Variants in KIRREL3 observed in about 807,000 individuals in gnomAD.
KIRREL3 encodes kirre like nephrin family adhesion molecule 3.
Under a neutral mutation model 89.7 loss-of-function variants are expected in KIRREL3, and 36 were observed. That is an observed-to-expected ratio of 0.40 (90% CI 0.31 to 0.53). The LOEUF is 0.53. Among genes scored for constraint, KIRREL3 ranks in the 20% least tolerant of loss-of-function variants. The pLI is 0.49. For synonymous variants in KIRREL3, 445 were observed against 441.4 expected (o/e 1.01, Z -0.10); for missense variants, 864 against 1,056.6 (o/e 0.82, Z 2.53).
intron 6 of KIRREL3, among the ~76,000 whole-genome samples, chr11:126,456,846 G>A (rs1032841757): frequency 6.6e-6 from 1 of 152,240 alleles, no homozygotes; most frequent in African/African-American, 2.4e-5. Context: ...TCTTTGAAAT[G>A]TCTGTTTATT....
rs1029803881 is a variant in KIRREL3 at position 126,605,628 on chromosome 11, G to T, written c.56-42716C>A. ...GGCGCGTTTTAATAATGTCTACTTG[G>T]GTTAATGAAAGTTGTCGGTTTCACT... On this transcript the variant is annotated intron_variant, in intron 1 of 16. Coordinates refer to ENST00000525144, the MANE Select transcript of KIRREL3 (RefSeq NM_032531.4). This position sits in a 1 kb window ranked among gnomAD's most constrained non-coding sequence, Gnocchi z 5.7. Among the ~76,000 whole-genome samples, 4 of 152,222 alleles carry T rather than the reference G, an allele frequency of 2.6e-5. No homozygotes were observed. Among genetic ancestry groups the T allele is most frequent in the Non-Finnish European group, 5.9e-5 (4 of 68,042 alleles).
At position 126,991,054 on chromosome 11, in the gene KIRREL3, G is replaced by A. The variant is rs1950021056; in HGVS notation, c.55+9401C>T. ...TCACCTGTGACATTTGCAGGTGACT[G>A]ACAGAAATGGGCACTGACATGCATT... On this transcript the variant is annotated intron_variant, in intron 1 of 16. Coordinates refer to ENST00000525144, the MANE Select transcript of KIRREL3 (RefSeq NM_032531.4). This position sits in a 1 kb window ranked among gnomAD's most constrained non-coding sequence, Gnocchi z 5.8. 6.6e-6 allele frequency among the ~76,000 whole-genome samples: 1 copy of A among 152,204 alleles called. No homozygotes were observed. The highest frequency in any genetic ancestry group is 2.1e-4 in the South Asian group (1 of 4,830).
intron 2 of KIRREL3, among the ~76,000 whole-genome samples, chr11:126,536,350 G>A (rs1044706649): frequency 2.0e-5 from 3 of 152,046 alleles, no homozygotes; most frequent in African/African-American, 4.8e-5. Context: ...CAGAGGAGCC[G>A]TTGCTTACTC....
intron 6 of KIRREL3, among the ~76,000 whole-genome samples, chr11:126,458,937 T>C (rs1454228768): frequency 1.3e-5 from 2 of 152,112 alleles, no homozygotes; most frequent in Admixed American, 1.3e-4. Flanking sequence ...CAGCCCTCTT[T>C]CCATGCAGGG....
chr11:126,456,514 G>A, intron 6 of KIRREL3, 60 bp from the exon 7 acceptor site: 1 of 1,151,022 alleles, frequency 8.7e-7, no homozygotes, highest in Non-Finnish European at 1.3e-6. Context: ...GGAGATCCTG[G>A]GCGACATGGA....
chr11:126,898,107 C>T lies in KIRREL3; in HGVS notation c.55+102348G>A, dbSNP rs1946237260. On this transcript the variant is annotated intron_variant, in intron 1 of 16. Transcript: ENST00000525144. The surrounding 1 kb of genome is among the most constrained non-coding windows in gnomAD (Gnocchi z 4.9). ...TCAAACATTTTATTTCAGGCATTCCCAGGTGGTGTTTGCCCTGGTTCCAGT... is the reference window on the plus strand; with the variant it reads ...TCAAACATTTTATTTCAGGCATTCCTAGGTGGTGTTTGCCCTGGTTCCAGT... Among the ~76,000 whole-genome samples the T allele has an allele frequency of 6.6e-6, 1 of 152,162 alleles. No homozygotes were observed. The highest frequency in any genetic ancestry group is 2.1e-4 in the South Asian group (1 of 4,828).
rs1565528374 is a variant in KIRREL3 at position 126,531,395 on chromosome 11, T to G, written c.134-4708A>C. ...GGACCTCTCATGGCTCTCCACTCTC[T>G]GCGGGACAACGCCCAACTTCCCATG... On this transcript the variant is annotated intron_variant, in intron 2 of 16. Transcript: ENST00000525144. The surrounding 1 kb of genome is among the most constrained non-coding windows in gnomAD (Gnocchi z 4.7). Among the ~76,000 whole-genome samples, 1 of 152,226 alleles carries G rather than the reference T, an allele frequency of 6.6e-6. No homozygotes were observed. The highest frequency in any genetic ancestry group is 1.5e-5 in the Non-Finnish European group (1 of 68,040).
At chr11:126,707,329 A>C (rs1332984718) in intron 1 of KIRREL3, among the ~76,000 whole-genome samples, 3 of 124,534 alleles carry the variant, frequency 2.4e-5, no homozygotes, top group Non-Finnish European at 3.3e-5. Flanking sequence ...GTCTGATTTT[A>C]TGGTTTCGTC....
In KIRREL3 at chr11:126,970,510, C is replaced by T. The variant is rs1223536021; in HGVS notation, c.55+29945G>A. On this transcript the variant is annotated intron_variant, in intron 1 of 16. Coordinates refer to ENST00000525144, the MANE Select transcript of KIRREL3 (RefSeq NM_032531.4). This position sits in a 1 kb window ranked among gnomAD's most constrained non-coding sequence, Gnocchi z 4.4. ...AAAACCCCTACAGTGCCCTGTCAAC[C>T]CCACAGAGGGTCCAGAAAAAAGTCA... Among the ~76,000 whole-genome samples the T allele has an allele frequency of 2.0e-5, 3 of 152,138 alleles. No individual in the cohort carries two copies. Among genetic ancestry groups the T allele is most frequent in the Non-Finnish European group, 4.4e-5 (3 of 68,040 alleles).
intron 4 of KIRREL3, among the ~76,000 whole-genome samples, chr11:126,517,927 T>G (rs1166928954): frequency 6.6e-6 from 1 of 152,208 alleles, no homozygotes; most frequent in Non-Finnish European, 1.5e-5. Flanking sequence ...ATTCTCCAGA[T>G]GTTCTGCAGG....
At chr11:126,786,478 T>C (rs932338878) in intron 1 of KIRREL3, among the ~76,000 whole-genome samples, 8 of 152,224 alleles carry the variant, frequency 5.3e-5, no homozygotes, top group African/African-American at 1.4e-4. Flanking sequence ...TTCATTTTAT[T>C]TGTAGAAACA....
intron 1 of KIRREL3, among the ~76,000 whole-genome samples, chr11:126,597,774 C>T (rs1056061816): frequency 4.6e-5 from 7 of 152,230 alleles, no homozygotes; most frequent in African/African-American, 1.7e-4. Flanking sequence ...TGGCAACTTA[C>T]CCCTGATGGC....
chr11:126,668,715 T>TTCTG lies in KIRREL3; in HGVS notation c.56-105804_56-105803insCAGA, dbSNP rs1945787326. Among the ~76,000 whole-genome samples, 1 of 98,572 alleles carries TTCTG rather than the reference T, an allele frequency of 1.0e-5. No individual in the cohort carries two copies. Among genetic ancestry groups the TTCTG allele is most frequent in the Non-Finnish European group, 2.3e-5 (1 of 43,218 alleles). The allele number at this position is 98,572 out of a possible 152,430, so 64.7% of individuals were successfully genotyped here. Reference sequence around the variant, plus strand: ...TGTTTTTCTTTCTTTCTTTCTTTCTTTCTTTCTTTCTTTCTTTCTTTCTTT... The same window carrying TTCTG: ...TGTTTTTCTTTCTTTCTTTCTTTCTTTCTGTCTTTCTTTCTTTCTTTCTTTCTTT... On this transcript the variant is annotated intron_variant, in intron 1 of 16. Coordinates refer to ENST00000525144, the MANE Select transcript of KIRREL3 (RefSeq NM_032531.4). This position sits in a 1 kb window ranked among gnomAD's most constrained non-coding sequence, Gnocchi z 4.4.
chr11:126,659,914 A>T (rs549875055), intron 1 of KIRREL3, among the ~76,000 whole-genome samples: 3 of 152,354 alleles, frequency 2.0e-5, no homozygotes, highest in East Asian at 1.9e-4. Flanking sequence ...TGCAGAAAAC[A>T]TCTAAAGAAG....
At chr11:126,950,679 C>T (rs144099569) in intron 1 of KIRREL3, among the ~76,000 whole-genome samples, 2 of 152,354 alleles carry the variant, frequency 1.3e-5, no homozygotes, top group East Asian at 3.9e-4. Flanking sequence ...CTGCTGCTCC[C>T]TTTCTTCTCC....
In KIRREL3 at chr11:126,797,257, C is replaced by G. The variant is rs1950841262; in HGVS notation, c.55+203198G>C. ...TCCCACCTCTGCCACTTATTGACCT[C>G]TCTGAGACTCAATTTCTCATCTATG... On this transcript the variant is annotated intron_variant, in intron 1 of 16. Transcript: ENST00000525144. This position sits in a 1 kb window ranked among gnomAD's most constrained non-coding sequence, Gnocchi z 4.9. Among the ~76,000 whole-genome samples, 1 of 152,202 alleles carries G rather than the reference C, an allele frequency of 6.6e-6. No individual in the cohort carries two copies. Among genetic ancestry groups the G allele is most frequent in the African/African-American group, 2.4e-5 (1 of 41,448 alleles).
In KIRREL3 at chr11:126,748,351, C is replaced by T. The variant is rs1460739437; in HGVS notation, c.56-185439G>A. Among the ~76,000 whole-genome samples the T allele has an allele frequency of 2.0e-5, 3 of 152,218 alleles. No homozygotes were observed. The East Asian group carries it at 5.8e-4, about 29-fold the overall frequency. ...AAAGAACTAAATGTTTTCTAGGTCA[C>T]CGCCTGATCAAGTCCCCACTTAAAC... On this transcript the variant is annotated intron_variant, in intron 1 of 16. Transcript: ENST00000525144. The surrounding 1 kb of genome is among the most constrained non-coding windows in gnomAD (Gnocchi z 4.6).
In KIRREL3 at chr11:126,807,391, C is replaced by T. The variant is rs1951236686; in HGVS notation, c.55+193064G>A. Among the ~76,000 whole-genome samples the T allele has an allele frequency of 6.6e-6, 1 of 152,184 alleles. No individual in the cohort carries two copies. Among genetic ancestry groups the T allele is most frequent in the Non-Finnish European group, 1.5e-5 (1 of 68,024 alleles). On this transcript the variant is annotated intron_variant, in intron 1 of 16. Coordinates refer to ENST00000525144, the MANE Select transcript of KIRREL3 (RefSeq NM_032531.4). This position sits in a 1 kb window ranked among gnomAD's most constrained non-coding sequence, Gnocchi z 4.3. ...CTGGGGAATGAAACTCTGCCATGTA[C>T]ACATGTTCTAACCTGTATTTTGGCT... is the stretch of plus-strand genomic sequence containing the variant.
Position 126,954,265 on chromosome 11 carries a change from TA to T in KIRREL3, c.55+46189del, listed in dbSNP as rs201843914. 2.3e-3 allele frequency among the ~76,000 whole-genome samples: 324 copies of T among 139,414 alleles called. No homozygotes were observed. The highest frequency in any genetic ancestry group is 3.6e-3 in the Middle Eastern group (1 of 278). 91.5% of individuals were successfully genotyped at this position (139,414 alleles called of 152,430 possible). On this transcript the variant is annotated intron_variant, in intron 1 of 16. Coordinates refer to ENST00000525144, the MANE Select transcript of KIRREL3 (RefSeq NM_032531.4). The surrounding 1 kb of genome is among the most constrained non-coding windows in gnomAD (Gnocchi z 4.1). Reference sequence around the variant, plus strand: ...TCTGGGAAGCTTTCATCAGGCCTCTTAAAAAAAAAAAAGCCCTGCCTCACAG... The same window carrying T: ...TCTGGGAAGCTTTCATCAGGCCTCTTAAAAAAAAAAAGCCCTGCCTCACAG...
Sources: allele counts gnomAD v4.1 joint callset (sites outside exome capture counted in the v4.1 genomes callset), GRCh38; gene constraint gnomAD v4.1.1; non-coding constraint Gnocchi (gnomAD v3.1); transcripts MANE v1.5; gene names NCBI Gene and HGNC (gene_info 2026-07-23, HGNC 2026-07-21).